Variants in HSPG2 observed in about 807,000 individuals in gnomAD.
HSPG2 encodes the protein heparan sulfate proteoglycan 2, also known as basement membrane-specific heparan sulfate proteoglycan core protein.
HSPG2 carries 278 observed loss-of-function variants against 526.6 expected under a neutral mutation model. The ratio of observed to expected loss-of-function variants is 0.53; its 90% CI spans 0.48 to 0.58. The LOEUF (loss-of-function observed/expected upper bound fraction) is 0.58. HSPG2 is among the 20% of genes least tolerant of loss of function. The pLI is 0.00. For missense variants in HSPG2, 5,354 were observed against 6,099.5 expected (o/e 0.88, Z 4.07); for synonymous variants, 2,465 against 2,555.4 (o/e 0.96, Z 1.07).
intron 91 of HSPG2, among the ~76,000 whole-genome samples, chr1:21,825,841 A>G (rs2097971727): frequency 6.6e-6 from 1 of 152,224 alleles, no homozygotes; most frequent in Non-Finnish European, 1.5e-5. Context: ...GCTGGAGTGC[A>G]GTGGCACAAT....
At chr1:21,852,541 C>T (rs936108793) in intron 52 of HSPG2, among the ~76,000 whole-genome samples, 159 bp downstream of exon 52, 4 of 152,160 alleles carry the variant, frequency 2.6e-5, no homozygotes, top group Non-Finnish European at 4.4e-5. Flanking sequence ...GACGGGAAGG[C>T]GGTGGTTACT....
At chr1:21,830,690 CAAAAAAAAAAAA>C in intron 85 of HSPG2, 1 of 106,406 alleles carries the variant, frequency 9.4e-6, no homozygotes, top group South Asian at 1.0e-4. Flanking sequence ...AACTTCGTCT[CAAAAAAAAAAAA>C]AAAAAAAAAA....
chr1:21,888,788 C>T, intron 6 of HSPG2: 1 of 1,103,700 alleles, frequency 9.1e-7, no homozygotes, highest in South Asian at 1.3e-5. Flanking sequence ...AGGGCTGGGC[C>T]ACATTCCACC....
At chr1:21,830,208 A>G in intron 85 of HSPG2, 117 bp from the exon 86 acceptor site, 1 of 840,876 alleles carries the variant, frequency 1.2e-6, no homozygotes, top group Non-Finnish European at 1.9e-6. Context: ...GGGCCAGGCC[A>G]GCCTCCTGGG....
chr1:21,832,323 CA>C (rs1388736924), intron 81 of HSPG2, among the ~76,000 whole-genome samples, 171 bp downstream of exon 81: 1 of 152,230 alleles, frequency 6.6e-6, no homozygotes, highest in Admixed American at 6.5e-5. Flanking sequence ...CACCCTCCTC[CA>C]CCTGACTGGC....
Position 21,851,667 on chromosome 1 carries a change from T to C in HSPG2, c.7037A>G (p.Glu2346Gly). ...PAGSTQPIRIEPSSSQVAEGQ... is the reference protein window; with the variant it reads ...PAGSTQPIRIGPSSSQVAEGQ... ...TTCCGCCACTTGCGAGGAGGAGGGC[T>C]CGATGCGGATGGGCTGGGTGCTGCC... The change falls in exon 55 of 97, where the codon GAG becomes GGG. Residue 2346 changes from glutamate to glycine, a missense_variant. By Grantham distance (98) the Glu-to-Gly change is moderately conservative. Transcript: ENST00000374695. The C allele has an allele frequency of 6.2e-7, 1 of 1,613,926 alleles. No individual in the cohort carries two copies. Among genetic ancestry groups the C allele is most frequent in the Non-Finnish European group, 8.5e-7 (1 of 1,180,004 alleles).
rs1257212433 is a variant in HSPG2, at chr1:21,858,724, A to G, written c.5293+842T>C. On this transcript the variant is annotated intron_variant, in intron 42 of 96. Transcript: ENST00000374695. The surrounding 1 kb of genome is among the most constrained non-coding windows in gnomAD (Gnocchi z 4.2). ...TCTGCCAGCCACTGCACTTCTTTGCATTGAGGGCTTTCTCAGGCCACTGGA... is the reference window on the plus strand; with the variant it reads ...TCTGCCAGCCACTGCACTTCTTTGCGTTGAGGGCTTTCTCAGGCCACTGGA... Among the ~76,000 whole-genome samples the G allele has an allele frequency of 1.3e-5, 2 of 152,154 alleles. No individual in the cohort carries two copies. The highest frequency in any genetic ancestry group is 1.9e-4 in the East Asian group (1 of 5,190).
chr1:21,884,770 G>A lies in HSPG2; in HGVS notation c.1504C>T (p.Arg502Ter), dbSNP rs746227200. 4 of 1,613,332 alleles carry A rather than the reference G, an allele frequency of 2.5e-6. No individual in the cohort carries two copies. Among genetic ancestry groups the A allele is most frequent in the East Asian group, 2.2e-5 (1 of 44,886 alleles). The change falls in exon 12 of 97, where the codon CGA (arginine) becomes TGA (stop). Residue 502 changes from arginine to a stop codon, truncating the protein, a stop_gained. Coordinates refer to ENST00000374695, the MANE Select transcript of HSPG2 (RefSeq NM_005529.7). LOFTEE classifies it high-confidence loss of function. ...GACACCTGCCCTCCGGCAGTACCTC[G>A]TTGTGGGACGAGCTCAAGGACACCG... ...PDGVLELVPQ[R>*]GPCPDGHFYL...
intron 33 of HSPG2, among the ~76,000 whole-genome samples, chr1:21,871,590 G>A (rs1481597306): frequency 6.6e-6 from 1 of 152,166 alleles, no homozygotes; most frequent in East Asian, 1.9e-4. Context: ...CTCTGACCTG[G>A]GTTTGGATCC....
At chr1:21,920,423 C>A (rs1254982485) in intron 1 of HSPG2, among the ~76,000 whole-genome samples, 1 of 152,224 alleles carries the variant, frequency 6.6e-6, no homozygotes, top group Admixed American at 6.5e-5. Flanking sequence ...AGGCCAGTCA[C>A]CGGCTCCTTG....
intron 87 of HSPG2, 125 bp downstream of exon 87, chr1:21,829,251 ACGAAATG>A: frequency 7.4e-7 from 1 of 1,348,356 alleles, no homozygotes; most frequent in Non-Finnish European, 1.0e-6. Flanking sequence ...TGACACAGAG[ACGAAATG>A]CACAGGAAGA....
chr1:21,904,438 G>A lies in HSPG2; in HGVS notation c.64-8128C>T, dbSNP rs1643263814. 6.6e-6 allele frequency among the ~76,000 whole-genome samples: 1 copy of A among 152,140 alleles called. No homozygotes were observed. Among genetic ancestry groups the A allele is most frequent in the Admixed American group, 6.5e-5 (1 of 15,282 alleles). On this transcript the variant is annotated intron_variant, in intron 1 of 96. Transcript: ENST00000374695. The surrounding 1 kb of genome is among the most constrained non-coding windows in gnomAD (Gnocchi z 4.4). ...GTGAGTGGCAGAGGAGTCAAAGGGCGGCACGAGTGGGCTTTTCCATTTAAA... is the reference window on the plus strand; with the variant it reads ...GTGAGTGGCAGAGGAGTCAAAGGGCAGCACGAGTGGGCTTTTCCATTTAAA...
rs773125917 is a variant in HSPG2, at chr1:21,824,317, G to A, written c.12804C>T (p.His4268=). 6.2e-6 allele frequency: 10 copies of A among 1,613,898 alleles called. No individual in the cohort carries two copies. Among genetic ancestry groups the A allele is most frequent in the East Asian group, 4.5e-5 (2 of 44,862 alleles). ...DFISLGLQDG[H]LVFRYQLGSG... Reference sequence around the variant, plus strand: ...GTGCCAGGACCTACCTGAAGACAAGGTGCCCGTCTTGAAGCCCGAGGCTGA... The same window carrying A: ...GTGCCAGGACCTACCTGAAGACAAGATGCCCGTCTTGAAGCCCGAGGCTGA... Residue 4268 remains histidine, a synonymous_variant, in exon 94 of 97, where the codon CAC becomes CAT. Coordinates refer to ENST00000374695, the MANE Select transcript of HSPG2 (RefSeq NM_005529.7). This position sits in a 1 kb window ranked among gnomAD's most constrained non-coding sequence, Gnocchi z 5.9.
rs12044125 is a variant in HSPG2, at chr1:21,837,307, A to G, written c.10151-301T>C. 5.0e-4 allele frequency among the ~76,000 whole-genome samples: 76 copies of G among 152,274 alleles called. No homozygotes were observed. In the East Asian group the frequency reaches 0.013, roughly 27 times the overall value. Reference sequence around the variant, plus strand: ...GGACTCAATACTTTTTTTGAGACGGAGTCTCGCTCTGTTCCCAGGCTGGAG... The same window carrying G: ...GGACTCAATACTTTTTTTGAGACGGGGTCTCGCTCTGTTCCCAGGCTGGAG... On this transcript the variant is annotated intron_variant, in intron 74 of 96. Coordinates refer to ENST00000374695, the MANE Select transcript of HSPG2 (RefSeq NM_005529.7).
intron 62 of HSPG2, among the ~76,000 whole-genome samples, 188 bp from the exon 63 acceptor site, chr1:21,846,787 G>A (rs185369974): frequency 2.0e-5 from 3 of 152,202 alleles, no homozygotes; most frequent in East Asian, 1.9e-4. Flanking sequence ...ATGACCTGAG[G>A]TCAGGAGTTT....
rs770532300 is a variant in HSPG2, at chr1:21,884,903, G to T, written c.1371C>A (p.Ser457Arg). ...IPSHPRVTVT[S>R]EGGRGTLIIR... Reference sequence around the variant, plus strand: ...TGATCAGTGTGCCACGGCCACCCTCGCTGGTCACTGTCACCCTGGTGAGCC... The same window carrying T: ...TGATCAGTGTGCCACGGCCACCCTCTCTGGTCACTGTCACCCTGGTGAGCC... Residue 457 changes from serine to arginine, a missense_variant, in exon 12 of 97, where the codon AGC becomes AGA. By Grantham distance (110) the Ser-to-Arg change is moderately radical. Transcript: ENST00000374695. 1.9e-5 allele frequency: 30 copies of T among 1,613,860 alleles called. No homozygotes were observed. The highest frequency in any genetic ancestry group is 5.3e-5 in the African/African-American group (4 of 74,916).
At position 21,878,665 on chromosome 1, in the gene HSPG2, T is replaced by G. The variant is rs764765810; in HGVS notation, c.2472-2A>C. 6.2e-7 allele frequency: 1 copy of G among 1,613,828 alleles called. No individual in the cohort carries two copies. The highest frequency in any genetic ancestry group is 8.5e-7 in the Non-Finnish European group (1 of 1,179,750). ...TCCAGGAAGCAAGTGTCTGAGAATCTGCAGGTATCAAGTGGACAGGGCATG... is the reference window on the plus strand; with the variant it reads ...TCCAGGAAGCAAGTGTCTGAGAATCGGCAGGTATCAAGTGGACAGGGCATG... On this transcript the variant is annotated splice_acceptor_variant, in intron 18 of 96. Transcript: ENST00000374695. LOFTEE classifies it high-confidence loss of function.
rs1295061841 is a variant in HSPG2 at position 21,828,973 on chromosome 1, G to A, written c.12099C>T (p.Arg4033=). The A allele has an allele frequency of 6.3e-7, 1 of 1,576,598 alleles. No individual in the cohort carries two copies. The highest frequency in any genetic ancestry group is 1.8e-5 in the Admixed American group (1 of 54,992). The stretch of plus-strand genomic sequence containing the variant: ...TGCCGGGCGAGGAGCGCAGCACAGG[G>A]CGTCCACCATTCACCCGCAGGCTGC... The part of the protein sequence containing the change: ...KDGSLRVNGG[R]PVLRSSPGKS... The change falls in exon 88 of 97, where the codon CGC becomes CGT. Residue 4033 remains arginine (R), a synonymous_variant. Coordinates refer to ENST00000374695, the MANE Select transcript of HSPG2 (RefSeq NM_005529.7). This position sits in a 1 kb window ranked among gnomAD's most constrained non-coding sequence, Gnocchi z 6.0.
rs1415209395 is a variant in HSPG2, at chr1:21,895,466, C to T, written c.244+456G>A. Among the ~76,000 whole-genome samples the T allele has an allele frequency of 2.0e-5, 3 of 152,188 alleles. No homozygotes were observed. The highest frequency in any genetic ancestry group is 1.9e-4 in the East Asian group (1 of 5,198). On this transcript the variant is annotated intron_variant, in intron 3 of 96. Coordinates refer to ENST00000374695, the MANE Select transcript of HSPG2 (RefSeq NM_005529.7). The surrounding 1 kb of genome is among the most constrained non-coding windows in gnomAD (Gnocchi z 4.1). Reference sequence around the variant, plus strand: ...TCTCTCCCAAGCCTAGCGTCAGGCTCGATCTGTGCTCTGCATGCCCTGCTG... The same window carrying T: ...TCTCTCCCAAGCCTAGCGTCAGGCTTGATCTGTGCTCTGCATGCCCTGCTG...
Sources: gnomAD v4.1 joint callset for allele counts (sites outside exome capture counted in the v4.1 genomes callset) on GRCh38, gnomAD v4.1.1 for gene constraint, Gnocchi (gnomAD v3.1) non-coding constraint, MANE v1.5 for transcripts, NCBI Gene and HGNC (gene_info 2026-07-23, HGNC 2026-07-21) for gene names.